The following POT1 variants were observed in gnomAD, a reference collection of about 807,000 sequenced individuals.
POT1 encodes protection of telomeres 1, also known as protection of telomeres protein 1.
A neutral mutation model predicts 78.5 loss-of-function variants in POT1; 47 were observed. The observed-to-expected ratio is 0.60, with a 90% confidence interval of 0.47 to 0.76. POT1 has a LOEUF of 0.76. Ranked by LOEUF, POT1 falls within the 30% of genes least tolerant of loss-of-function variation. The probability of loss-of-function intolerance (pLI) is 0.00; values close to 1 mark genes in which losing one functional copy is unlikely to be tolerated. For missense variants in POT1, 646 were observed against 749.9 expected (o/e 0.86, Z 1.62); for synonymous variants, 259 against 260.7 (o/e 0.99, Z 0.06).
intron 5 of POT1, among the ~76,000 whole-genome samples, chr7:124,893,486 TCTTGAG>T (rs1796420546): frequency 6.6e-6 from 1 of 151,552 alleles, no homozygotes; most frequent in Non-Finnish European, 1.5e-5. Context: ...TAACACAAAT[TCTTGAG>T]CTTGCAGAAT....
chr7:124,896,455 T>C (rs1021947734), intron 5 of POT1, among the ~76,000 whole-genome samples: 5 of 151,780 alleles, frequency 3.3e-5, no homozygotes, highest in African/African-American at 1.2e-4. Context: ...AAATATTAAT[T>C]ATACTAATAC....
In POT1 at chr7:124,903,936, TAG is replaced by T. The variant is rs1339657434; in HGVS notation, c.-153-5564_-153-5563del. Reference sequence around the variant, plus strand: ...ACTCTAGAAGAAATGGATAAATTACTAGACACACACCCTCCCAAGACTAAACC... The same window carrying T: ...ACTCTAGAAGAAATGGATAAATTACTACACACACCCTCCCAAGACTAAACC... On this transcript the variant is annotated intron_variant, in intron 3 of 18. Transcript: ENST00000357628. Among the ~76,000 whole-genome samples, 13 of 152,206 alleles carry T rather than the reference TAG, an allele frequency of 8.5e-5. No homozygotes were observed. In the East Asian group the frequency reaches 2.5e-3, roughly 29 times the overall value.
intron 11 of POT1, 51 bp downstream of exon 11, chr7:124,851,821 A>G (rs776072225): frequency 2.4e-6 from 3 of 1,232,730 alleles, no homozygotes; most frequent in South Asian, 2.5e-5. Flanking sequence ...TGTTGATAAA[A>G]CTATTTTATT....
intron 6 of POT1, among the ~76,000 whole-genome samples, chr7:124,881,876 A>G (rs528537520): frequency 6.6e-6 from 1 of 152,162 alleles, no homozygotes; most frequent in Admixed American, 6.5e-5. Context: ...CACAGTACTT[A>G]TAATGTATAT....
chr7:124,903,301 A>G (rs988053741), intron 3 of POT1, among the ~76,000 whole-genome samples: 17 of 152,192 alleles, frequency 1.1e-4, no homozygotes, highest in African/African-American at 4.1e-4. Flanking sequence ...AATATAAAAG[A>G]ACAGAAATTA....
At chr7:124,892,528 A>G (rs1796396157) in intron 5 of POT1, 148 bp from the exon 6 acceptor site, 1 of 444,738 alleles carries the variant, frequency 2.2e-6, no homozygotes, top group Non-Finnish European at 3.9e-6. Context: ...GGCAATGCAC[A>G]CAGCTTAGCT....
intron 6 of POT1, among the ~76,000 whole-genome samples, chr7:124,880,231 C>T (rs1309233630): frequency 6.6e-6 from 1 of 151,962 alleles, no homozygotes; most frequent in East Asian, 1.9e-4. Context: ...CTTAAAATTT[C>T]GTGATAAACA....
chr7:124,841,604 T>C (rs964207046), intron 13 of POT1, among the ~76,000 whole-genome samples: 1 of 151,962 alleles, frequency 6.6e-6, no homozygotes, highest in African/African-American at 2.4e-5. Context: ...AAACTAATAA[T>C]ATTTCCAATT....
At chr7:124,919,304 T>A (rs1797090901) in intron 2 of POT1, among the ~76,000 whole-genome samples, 1 of 152,160 alleles carries the variant, frequency 6.6e-6, no homozygotes, top group South Asian at 2.1e-4. Flanking sequence ...TGAGATGTTG[T>A]ATATGGTGCA....
intron 6 of POT1, among the ~76,000 whole-genome samples, chr7:124,878,774 T>C (rs994820265): frequency 6.6e-6 from 1 of 152,032 alleles, no homozygotes; most frequent in African/African-American, 2.4e-5. Context: ...TATACAGGAA[T>C]ATCTGATCCA....
intron 9 of POT1, among the ~76,000 whole-genome samples, chr7:124,853,689 T>C (rs10228376): frequency 0.6 from 91,285 of 151,922 alleles, 27,556 homozygotes; most frequent in African/African-American, 0.65. Flanking sequence ...TTTGTGCCTG[T>C]ACCACCACAG....
chr7:124,846,784 C>G (rs180705455), intron 12 of POT1, among the ~76,000 whole-genome samples, 158 bp downstream of exon 12: 37 of 152,098 alleles, frequency 2.4e-4, no homozygotes, highest in African/African-American at 7.0e-4. Context: ...TTTATGCCAA[C>G]AAGACACGGT....
At position 124,892,326 on chromosome 7, in the gene POT1, T is replaced by C. The variant is rs375440229; in HGVS notation, c.64A>G (p.Ile22Val). ...TPLNQLKGGT[I>V]VNVYGVVKFF... ...TTCACAACACCATAGACATTGACAATTGTACCACCCTTAAGTTGATTCAGG... is the reference window on the plus strand; with the variant it reads ...TTCACAACACCATAGACATTGACAACTGTACCACCCTTAAGTTGATTCAGG... Residue 22 changes from isoleucine to valine, a missense_variant, in exon 6 of 19, where the codon ATT becomes GTT. Physicochemically the swap from Ile to Val is conservative, Grantham distance 29. Transcript: ENST00000357628. 2.5e-4 allele frequency: 388 copies of C among 1,539,338 alleles called. No homozygotes were observed. Among genetic ancestry groups the C allele is most frequent in the Non-Finnish European group, 3.3e-4 (376 of 1,150,290 alleles).
At chr7:124,832,933 T>C (rs1794804220) in intron 15 of POT1, among the ~76,000 whole-genome samples, 1 of 151,978 alleles carries the variant, frequency 6.6e-6, no homozygotes, top group Admixed American at 6.6e-5. Flanking sequence ...TTTCCTGGTT[T>C]AGACGCGTCA....
intron 6 of POT1, among the ~76,000 whole-genome samples, chr7:124,885,678 A>T (rs1438155670): frequency 1.3e-5 from 2 of 152,108 alleles, no homozygotes; most frequent in African/African-American, 2.4e-5. Context: ...AGGCAGGAGA[A>T]TGGCGTGAAC....
chr7:124,924,775 A>G (rs1195023802), intron 2 of POT1, among the ~76,000 whole-genome samples: 4 of 152,076 alleles, frequency 2.6e-5, no homozygotes, highest in Admixed American at 1.3e-4. Flanking sequence ...TGATCAAGTG[A>G]GATTTATCTC....
intron 16 of POT1, among the ~76,000 whole-genome samples, chr7:124,828,377 TA>T (rs1426358324): frequency 6.6e-6 from 1 of 152,178 alleles, no homozygotes; most frequent in Non-Finnish European, 1.5e-5. Context: ...CAGGTTAAGA[TA>T]AATATCTTCT....
intron 6 of POT1, among the ~76,000 whole-genome samples, chr7:124,882,314 A>G (rs1183167893): frequency 6.6e-6 from 1 of 152,034 alleles, no homozygotes; most frequent in Non-Finnish European, 1.5e-5. Context: ...AAAACATTCA[A>G]GTAATACCTA....
rs1436205180 is a variant in POT1 at position 124,863,606 on chromosome 7, G to T, written c.290C>A (p.Thr97Asn). The T allele has an allele frequency of 1.2e-6, 2 of 1,613,392 alleles. No individual in the cohort carries two copies. The highest frequency in any genetic ancestry group is 1.7e-5 in the Admixed American group (1 of 59,940). Residue 97 changes from threonine (T) to asparagine (N), a missense_variant, in exon 8 of 19, where the codon ACC becomes AAC. Physicochemically the swap from Thr to Asn is moderately conservative, Grantham distance 65 (BLOSUM62 0). Coordinates refer to ENST00000357628, the MANE Select transcript of POT1 (RefSeq NM_015450.3). ...QVYKKETQGI[T>N]SSGFASLTFE... ...CGTCAAAGATGCAAAGCCAGAGCTGGTGATACCCTGAGTCTCCTTTTTATA... is the reference window on the plus strand; with the variant it reads ...CGTCAAAGATGCAAAGCCAGAGCTGTTGATACCCTGAGTCTCCTTTTTATA...
Sources: gnomAD v4.1 joint callset for allele counts (sites outside exome capture counted in the v4.1 genomes callset) on GRCh38, gnomAD v4.1.1 for gene constraint, MANE v1.5 for transcripts, NCBI Gene and HGNC (gene_info 2026-07-23, HGNC 2026-07-21) for gene names.